Variants in TTC7B observed in about 807,000 individuals in gnomAD.
TTC7B encodes tetratricopeptide repeat protein 7B.
A neutral mutation model predicts 106.8 loss-of-function variants in TTC7B; 28 were observed. That is an observed-to-expected ratio of 0.26 (90% confidence interval 0.19 to 0.36). TTC7B has a LOEUF of 0.36. TTC7B is among the 10% of genes least tolerant of loss of function. The probability of loss-of-function intolerance (pLI) is 1.00; values close to 1 mark genes in which losing one functional copy is unlikely to be tolerated. For synonymous variants in TTC7B, 405 were observed against 430.6 expected (o/e 0.94, Z 0.74); for missense variants, 862 against 1,076.4 (o/e 0.80, Z 2.79).
Position 90,655,289 on chromosome 14 carries a change from G to C in TTC7B, c.1342-179C>G, listed in dbSNP as rs562753339. 3.3e-5 allele frequency among the ~76,000 whole-genome samples: 5 copies of C among 152,278 alleles called. No homozygotes were observed. In the East Asian group the frequency reaches 9.7e-4, roughly 29 times the overall value. ...TCTTGAGCTCTCTAACAGTTCGCAG[G>C]ATTCCTACCTTGCTTTTTCTCCTTA... On this transcript the variant is annotated intron_variant, in intron 11 of 19. Transcript: ENST00000328459.
Position 90,578,192 on chromosome 14 carries a change from G to C in TTC7B, c.2224C>G (p.Leu742Val). ...VLYMRGQIAE[L>V]RGSMDEARRW... is the part of the protein sequence containing the mutation. ...CGCGCCTCGTCCATGCTTCCCCGGA[G>C]CTCAGCAATCTGGCCGCGCATGTAG... Residue 742 changes from leucine (L) to valine (V), a missense_variant, in exon 19 of 20, where the codon CTC becomes GTC. By Grantham distance (32) the Leu-to-Val change is conservative (BLOSUM62 1). Transcript: ENST00000328459. The surrounding 1 kb of genome is among the most constrained non-coding windows in gnomAD (Gnocchi z 4.7). 21 of 1,614,156 alleles carry C rather than the reference G, an allele frequency of 1.3e-5. No individual in the cohort carries two copies. The highest frequency in any genetic ancestry group is 1.8e-5 in the Non-Finnish European group (21 of 1,180,028).
At chr14:90,603,645 A>T (rs1242019274) in intron 17 of TTC7B, among the ~76,000 whole-genome samples, 2 of 152,098 alleles carry the variant, frequency 1.3e-5, no homozygotes, top group East Asian at 3.9e-4. Flanking sequence ...CCACACATTA[A>T]CCCTAATCAT....
intron 7 of TTC7B, among the ~76,000 whole-genome samples, chr14:90,687,548 C>T (rs544046908): frequency 6.6e-6 from 1 of 152,226 alleles, no homozygotes; most frequent in South Asian, 2.1e-4. Flanking sequence ...CCTTAATGCA[C>T]CTGGCACCTT....
intron 18 of TTC7B, among the ~76,000 whole-genome samples, chr14:90,579,146 C>T (rs1891381652): frequency 6.6e-6 from 1 of 152,234 alleles, no homozygotes; most frequent in African/African-American, 2.4e-5. Context: ...GGCCTCTTCT[C>T]CTGAGGCCTT....
At chr14:90,671,279 A>G (rs1412337584) in intron 9 of TTC7B, among the ~76,000 whole-genome samples, 1 of 152,248 alleles carries the variant, frequency 6.6e-6, no homozygotes, top group Non-Finnish European at 1.5e-5. Flanking sequence ...TTTTGGTACA[A>G]TCACTAGTCA....
At chr14:90,610,534 C>T (rs1892827516) in intron 17 of TTC7B, among the ~76,000 whole-genome samples, 1 of 152,226 alleles carries the variant, frequency 6.6e-6, no homozygotes, top group African/African-American at 2.4e-5. Flanking sequence ...AAAGAAAGCA[C>T]TGGGCTGGGC....
intron 3 of TTC7B, among the ~76,000 whole-genome samples, chr14:90,776,140 G>GACACACACACACACAC (rs370873395): frequency 0.021 from 2,950 of 140,334 alleles, 105 homozygotes; most frequent in African/African-American, 0.061. Flanking sequence ...GGCCCCCCGT[G>GACACACACACACACAC]ACACACACAC....
rs113962842 is a variant in TTC7B at position 90,529,214 on chromosome 14, C to A, written c.*12154G>T. ...GCGCTTTGTTACCTCTTTCCGATAG[C>A]GGGATCTGACTGCATTTTGCATTCA... On this transcript the variant is annotated 3_prime_UTR_variant, in exon 20 of 20. Transcript: ENST00000328459. 1.3e-5 allele frequency: 2 copies of A among 153,088 alleles called. No individual in the cohort carries two copies. The highest frequency in any genetic ancestry group is 2.9e-5 in the Non-Finnish European group (2 of 68,726). The allele number at this position is 153,088 out of a possible 1,614,324, so 9.5% of individuals were successfully genotyped here.
rs913143826 is a variant in TTC7B at position 90,527,645 on chromosome 14, T to C, written c.*13723A>G. The C allele has an allele frequency of 4.6e-5, 7 of 151,276 alleles. No homozygotes were observed. The highest frequency in any genetic ancestry group is 1.0e-4 in the Non-Finnish European group (7 of 67,864). The allele number at this position is 151,276 out of a possible 1,614,324, so 9.4% of individuals were successfully genotyped here. ...CGCCATCTCGGCTCACTGCAAGCTCTGCTTCCCGGGTTCATGCCATTCTCC... is the reference window on the plus strand; with the variant it reads ...CGCCATCTCGGCTCACTGCAAGCTCCGCTTCCCGGGTTCATGCCATTCTCC... On this transcript the variant is annotated 3_prime_UTR_variant, in exon 20 of 20. Transcript: ENST00000328459.
intron 1 of TTC7B, among the ~76,000 whole-genome samples, chr14:90,803,228 C>T (rs2030387908): frequency 6.6e-6 from 1 of 152,116 alleles, no homozygotes; most frequent in South Asian, 2.1e-4. Context: ...GTTCCACTCT[C>T]CCCCCAAGTG....
intron 13 of TTC7B, among the ~76,000 whole-genome samples, chr14:90,651,178 C>A (rs1852219176): frequency 6.6e-6 from 1 of 152,204 alleles, no homozygotes; most frequent in Non-Finnish European, 1.5e-5. Flanking sequence ...TACTTAAAAT[C>A]TTTCCCTTAA....
chr14:90,620,761 G>C (rs951593522), intron 15 of TTC7B, among the ~76,000 whole-genome samples: 2 of 152,262 alleles, frequency 1.3e-5, no homozygotes, highest in African/African-American at 4.8e-5. Context: ...CAGAATGCCA[G>C]AGTGCGTCTC....
At chr14:90,563,910 T>C (rs1400604584) in intron 19 of TTC7B, among the ~76,000 whole-genome samples, 1 of 152,170 alleles carries the variant, frequency 6.6e-6, no homozygotes, top group Non-Finnish European at 1.5e-5. Flanking sequence ...CCGGGCTCCA[T>C]TCTTGCTCTC....
rs573127346 is a variant in TTC7B, at chr14:90,741,108, C to T, written c.576+3684G>A. Reference sequence around the variant, plus strand: ...AGGGGGCAAGGCCAGGGTCCCAACACTGGCAGTCACTCACCCGCAGTGCTC... The same window carrying T: ...AGGGGGCAAGGCCAGGGTCCCAACATTGGCAGTCACTCACCCGCAGTGCTC... On this transcript the variant is annotated intron_variant, in intron 4 of 19. Transcript: ENST00000328459. Among the ~76,000 whole-genome samples the T allele has an allele frequency of 2.3e-3, 345 of 152,306 alleles. 5 individuals carry two copies. Among genetic ancestry groups the T allele is most frequent in the African/African-American group, 8.1e-3 (336 of 41,568 alleles).
At chr14:90,626,076 A>G (rs1235132132) in intron 15 of TTC7B, among the ~76,000 whole-genome samples, 1 of 152,184 alleles carries the variant, frequency 6.6e-6, no homozygotes, top group African/African-American at 2.4e-5. Flanking sequence ...CCAGATCACA[A>G]GGGGATTCAT....
chr14:90,622,742 C>A (rs1356596893), intron 15 of TTC7B, among the ~76,000 whole-genome samples: 1 of 151,848 alleles, frequency 6.6e-6, no homozygotes, highest in Non-Finnish European at 1.5e-5. Context: ...CCACTTCCCC[C>A]CAAAAGAATT....
At position 90,744,822 on chromosome 14, in the gene TTC7B, G is replaced by T. The variant is rs141007402; in HGVS notation, c.546C>A (p.Ile182=). The T allele has an allele frequency of 6.2e-7, 1 of 1,614,016 alleles. No individual in the cohort carries two copies. The highest frequency in any genetic ancestry group is 1.7e-5 in the Admixed American group (1 of 60,010). ...VITCYEKAGD[I]ALLYLQEIER... is the part of the protein sequence containing the mutation. ...CTATCTCTTGGAGATACAGGAGTGCGATGTCCCCTGCTTTCTCATAACAGG... is the reference window on the plus strand; with the variant it reads ...CTATCTCTTGGAGATACAGGAGTGCTATGTCCCCTGCTTTCTCATAACAGG... Residue 182 remains isoleucine (I), a synonymous_variant, in exon 4 of 20, where the codon ATC becomes ATA. Coordinates refer to ENST00000328459, the MANE Select transcript of TTC7B (RefSeq NM_001010854.2).
At chr14:90,594,115 T>C (rs1031888491) in intron 17 of TTC7B, among the ~76,000 whole-genome samples, 6 of 152,166 alleles carry the variant, frequency 3.9e-5, no homozygotes, top group African/African-American at 1.4e-4. Context: ...AGCCTGGCCT[T>C]GGAGAGGTGG....
intron 7 of TTC7B, among the ~76,000 whole-genome samples, chr14:90,683,706 C>T (rs1439386215): frequency 6.6e-6 from 1 of 152,044 alleles, no homozygotes; most frequent in Non-Finnish European, 1.5e-5. Flanking sequence ...CTGAGTGGGT[C>T]AGGTGAATCC....
Sources: allele counts gnomAD v4.1 joint callset (sites outside exome capture counted in the v4.1 genomes callset), GRCh38; gene constraint gnomAD v4.1.1; non-coding constraint Gnocchi (gnomAD v3.1); transcripts MANE v1.5; gene names NCBI Gene and HGNC (gene_info 2026-07-23, HGNC 2026-07-21).